SMC5: variants seen among roughly 807,000 people sequenced by gnomAD.
SMC5 encodes structural maintenance of chromosomes protein 5.
A neutral mutation model predicts 148.3 loss-of-function variants in SMC5; 88 were observed. The ratio of observed to expected loss-of-function variants is 0.59; its 90% CI spans 0.50 to 0.71. SMC5 has a LOEUF of 0.71. Ranked by LOEUF, SMC5 falls within the 30% of genes least tolerant of loss-of-function variation. The probability of loss-of-function intolerance (pLI) is 0.00; values close to 1 mark genes in which losing one functional copy is unlikely to be tolerated. For missense variants in SMC5, 1,142 were observed against 1,298.9 expected (o/e 0.88, Z 1.86); for synonymous variants, 421 against 432.8 (o/e 0.97, Z 0.34).
At chr9:70,308,031 A>AG (rs1161509947) in intron 11 of SMC5, among the ~76,000 whole-genome samples, 3 of 152,122 alleles carry the variant, frequency 2.0e-5, no homozygotes, top group African/African-American at 7.2e-5. Flanking sequence ...TCTGGATACT[A>AG]GGTGTGTTCA....
At chr9:70,332,857 T>C (rs2036255878) in intron 17 of SMC5, among the ~76,000 whole-genome samples, 2 of 152,184 alleles carry the variant, frequency 1.3e-5, no homozygotes, top group Non-Finnish European at 2.9e-5. Flanking sequence ...TTTCAATATA[T>C]ACAGAAAAAA....
Position 70,258,979 on chromosome 9 carries a change from G to C in SMC5, c.-100G>C, listed in dbSNP as rs1317315553. The C allele has an allele frequency of 1.4e-6, 2 of 1,394,376 alleles. No homozygotes were observed. Among genetic ancestry groups the C allele is most frequent in the Admixed American group, 5.7e-5 (2 of 35,398 alleles). 86.4% of individuals were successfully genotyped at this position (1,394,376 alleles called of 1,614,324 possible). A position where few individuals can be genotyped will look rare whatever the true frequency, so the allele number is the denominator to read the frequency against. On this transcript the variant is annotated 5_prime_UTR_variant, in exon 1 of 25. Transcript: ENST00000361138. ...GAGCGCGCGGTAACAGTTCGCGGCA[G>C]TTCGCGCGGGAGCGGGGCGCCTGGG...
chr9:70,268,056 A>G, intron 3 of SMC5, 81 bp downstream of exon 3: 1 of 1,092,766 alleles, frequency 9.2e-7, no homozygotes, highest in Non-Finnish European at 1.4e-6. Flanking sequence ...ATTAGAAAAG[A>G]GTATTAATAT....
chr9:70,309,349 T>TTTTTTTTGG (rs71364591), intron 11 of SMC5, among the ~76,000 whole-genome samples: 1 of 112,682 alleles, frequency 8.9e-6, no homozygotes, highest in Non-Finnish European at 1.8e-5. Flanking sequence ...TTTTTTTTTT[T>TTTTTTTTGG]GGGGACAGGG....
intron 8 of SMC5, among the ~76,000 whole-genome samples, chr9:70,295,117 T>C (rs1275788950): frequency 6.6e-6 from 1 of 152,054 alleles, no homozygotes; most frequent in East Asian, 1.9e-4. Context: ...TTGAGAGGGC[T>C]CTGGGGAGAA....
At chr9:70,339,030 A>G (rs944464471) in intron 17 of SMC5, among the ~76,000 whole-genome samples, 2 of 152,182 alleles carry the variant, frequency 1.3e-5, no homozygotes, top group Non-Finnish European at 2.9e-5. Flanking sequence ...CTTTTCATTG[A>G]TAAATGCTTT....
intron 8 of SMC5, among the ~76,000 whole-genome samples, chr9:70,290,420 A>T (rs1448961284): frequency 6.6e-6 from 1 of 152,196 alleles, no homozygotes; most frequent in Non-Finnish European, 1.5e-5. Flanking sequence ...TCACTCAGAA[A>T]ATTCCAAGGG....
At chr9:70,313,234 G>A (rs916915732) in intron 11 of SMC5, among the ~76,000 whole-genome samples, 5 of 152,118 alleles carry the variant, frequency 3.3e-5, no homozygotes, top group African/African-American at 9.7e-5. Context: ...AAGCCCATCA[G>A]TGAATTTTTC....
intron 3 of SMC5, among the ~76,000 whole-genome samples, chr9:70,272,189 G>A (rs1587622930): frequency 6.6e-6 from 1 of 152,280 alleles, no homozygotes; most frequent in East Asian, 1.9e-4. Context: ...AAGATGTCTG[G>A]CATGATTAAG....
Position 70,282,589 on chromosome 9 carries a change from T to C in SMC5, c.981+6T>C. Reference sequence around the variant, plus strand: ...AGGCTCGAATCAAAGAAAAGGTACTTTTTGGTTTCAATTTTGGATTATCTG... The same window carrying C: ...AGGCTCGAATCAAAGAAAAGGTACTCTTTGGTTTCAATTTTGGATTATCTG... On this transcript the variant is annotated splice_donor_region_variant and intron_variant, in intron 7 of 24. Transcript: ENST00000361138. The C allele has an allele frequency of 6.5e-7, 1 of 1,550,148 alleles. No individual in the cohort carries two copies. The highest frequency in any genetic ancestry group is 8.6e-7 in the Non-Finnish European group (1 of 1,158,482).
chr9:70,265,998 AC>A (rs2117980085), intron 2 of SMC5, among the ~76,000 whole-genome samples: 1 of 152,292 alleles, frequency 6.6e-6, no homozygotes, highest in African/African-American at 2.4e-5. Flanking sequence ...TTAAGCTTGA[AC>A]TAATGGACAT....
At chr9:70,270,512 CT>C (rs1256797090) in intron 3 of SMC5, among the ~76,000 whole-genome samples, 1 of 152,080 alleles carries the variant, frequency 6.6e-6, no homozygotes, top group Non-Finnish European at 1.5e-5. Context: ...ATGGCTTTAT[CT>C]TTCTGGTGAC....
chr9:70,291,284 G>A (rs2035054364), intron 8 of SMC5, among the ~76,000 whole-genome samples: 1 of 152,026 alleles, frequency 6.6e-6, no homozygotes, highest in African/African-American at 2.4e-5. Context: ...GTATATATTG[G>A]GTCATGCCTT....
intron 4 of SMC5, among the ~76,000 whole-genome samples, 159 bp from the exon 5 acceptor site, chr9:70,278,326 CTAAGTT>C (rs2034651562): frequency 6.6e-6 from 1 of 151,574 alleles, no homozygotes. Flanking sequence ...AGTTTATATC[CTAAGTT>C]TATCTTCATT....
chr9:70,271,280 A>G (rs978465403), intron 3 of SMC5, among the ~76,000 whole-genome samples: 3 of 152,202 alleles, frequency 2.0e-5, no homozygotes, highest in African/African-American at 7.2e-5. Context: ...TAATTTTTTA[A>G]AGATAAATTT....
chr9:70,323,922 T>A, intron 16 of SMC5, 99 bp from the exon 17 acceptor site: 1 of 1,146,690 alleles, frequency 8.7e-7, no homozygotes, highest in Non-Finnish European at 1.2e-6. Context: ...GGAAAATTAT[T>A]TTTTCATGGT....
At position 70,350,249 on chromosome 9, in the gene SMC5, G is replaced by A. The variant is rs756248517; in HGVS notation, c.3025G>A (p.Glu1009Lys). ...CATGTTATACTTGATGGCACTTCAG[G>A]AGCTAAATAGATGTCCATTCAGAGT... ...STMLYLMALQ[E>K]LNRCPFRVVD... The change falls in exon 23 of 25, where the codon GAG becomes AAG. Residue 1009 changes from glutamate to lysine, a missense_variant. Physicochemically the swap from Glu to Lys is moderately conservative, Grantham distance 56. This residue lies in a region of SMC5 where 30 missense variants were observed against 65.3 expected (regional missense o/e 0.46). Coordinates refer to ENST00000361138, the MANE Select transcript of SMC5 (RefSeq NM_015110.4). 6.2e-7 allele frequency: 1 copy of A among 1,613,386 alleles called. No individual in the cohort carries two copies. Among genetic ancestry groups the A allele is most frequent in the East Asian group, 2.2e-5 (1 of 44,782 alleles).
intron 11 of SMC5, chr9:70,312,206 A>G (rs565011472): frequency 6.6e-6 from 1 of 151,012 alleles, no homozygotes; most frequent in East Asian, 2.0e-4. Flanking sequence ...ACAGTTCTGC[A>G]TGGCTGAGGA....
intron 17 of SMC5, among the ~76,000 whole-genome samples, chr9:70,334,207 A>G (rs1160020590): frequency 6.6e-6 from 1 of 151,888 alleles, no homozygotes; most frequent in African/African-American, 2.4e-5. Flanking sequence ...CAGTGCTGGA[A>G]CAATTGCATA....
Sources: allele counts gnomAD v4.1 joint callset (sites outside exome capture counted in the v4.1 genomes callset), GRCh38; gene constraint gnomAD v4.1.1; regional missense constraint gnomAD v4.1.1; transcripts MANE v1.5; gene names NCBI Gene and HGNC (gene_info 2026-07-23, HGNC 2026-07-21).